The following GNB5 variants were observed in gnomAD, a reference collection of about 807,000 sequenced individuals.
GNB5 encodes the protein guanine nucleotide-binding protein subunit beta-5.
Under a neutral mutation model 55.3 loss-of-function variants are expected in GNB5, and 37 were observed. The observed-to-expected ratio is 0.67, with a 90% CI of 0.51 to 0.88. GNB5 has a LOEUF of 0.88. GNB5 is among the 40% of genes least tolerant of loss of function. The probability of loss-of-function intolerance (pLI) is 0.00; values close to 1 mark genes in which losing one functional copy is unlikely to be tolerated. For synonymous variants in GNB5, 219 were observed against 198.5 expected (o/e 1.10, Z -0.87); for missense variants, 476 against 515.3 (o/e 0.92, Z 0.74).
intron 3 of GNB5, among the ~76,000 whole-genome samples, chr15:52,179,553 G>T (rs1217664946): frequency 6.6e-6 from 1 of 151,664 alleles, no homozygotes; most frequent in Non-Finnish European, 1.5e-5. Context: ...CCAGGTGCCC[G>T]GACCCTCCGA....
chr15:52,137,690 G>A lies in GNB5; in HGVS notation c.628-1934C>T, dbSNP rs2033756924. 5 of 1,185,888 alleles carry A rather than the reference G, an allele frequency of 4.2e-6. No homozygotes were observed. The South Asian group carries it at 4.7e-5, about 11-fold the overall frequency. 73.5% of individuals were successfully genotyped at this position (1,185,888 alleles called of 1,614,324 possible). A position where few individuals can be genotyped will look rare whatever the true frequency, so the allele number is the denominator to read the frequency against. On this transcript the variant is annotated intron_variant, in intron 7 of 12. Transcript: ENST00000261837. ...TGTGTATGAGGCCTGGGCTCTGGCT[G>A]AGCATACCTTCCTGGGATTGGGAGA...
intron 3 of GNB5, among the ~76,000 whole-genome samples, chr15:52,174,964 T>C (rs1398684110): frequency 1.3e-5 from 2 of 152,032 alleles, no homozygotes; most frequent in Non-Finnish European, 2.9e-5. Context: ...TGCCTGCTAC[T>C]AGTGGGGCCG....
At chr15:52,145,519 C>A (rs2033954676) in intron 6 of GNB5, among the ~76,000 whole-genome samples, 1 of 151,970 alleles carries the variant, frequency 6.6e-6, no homozygotes, top group African/African-American at 2.4e-5. Context: ...GTGGTGCACG[C>A]CTGTAGTCCC....
At chr15:52,163,854 G>A (rs1174368235) in intron 3 of GNB5, among the ~76,000 whole-genome samples, 1 of 152,190 alleles carries the variant, frequency 6.6e-6, no homozygotes, top group Non-Finnish European at 1.5e-5. Context: ...TGCCCCTCTG[G>A]GATGGAGTCT....
At chr15:52,128,784 A>C in intron 9 of GNB5, 1 of 454,600 alleles carries the variant, frequency 2.2e-6, no homozygotes, top group Non-Finnish European at 4.4e-6. Flanking sequence ...TGCCAATTAA[A>C]TCACATTCAA....
intron 12 of GNB5, 79 bp downstream of exon 12, chr15:52,124,394 C>A: frequency 8.4e-7 from 1 of 1,189,112 alleles, no homozygotes; most frequent in Non-Finnish European, 1.2e-6. Context: ...ACTCTGATAG[C>A]CTTCCCTCTG....
chr15:52,124,005 CAAAAAAAAAA>C (rs56008657), intron 12 of GNB5, among the ~76,000 whole-genome samples: 3 of 84,406 alleles, frequency 3.6e-5, no homozygotes, highest in South Asian at 4.4e-4. Context: ...ATAGAAAAAC[CAAAAAAAAAA>C]AAAAAAAAAA....
rs1164750213 is a variant in GNB5 at position 52,132,143 on chromosome 15, C to A, written c.863+1235G>T. ...CAGTGTCATTTGGCCCTTTTCATGT[C>A]TCCCTGTGGAACTAGGGCTCAAGTA... On this transcript the variant is annotated intron_variant, in intron 9 of 12. Transcript: ENST00000261837. Among the ~76,000 whole-genome samples, 3 of 137,620 alleles carry A rather than the reference C, an allele frequency of 2.2e-5. No individual in the cohort carries two copies. The Admixed American group carries it at 2.2e-4, about 10-fold the overall frequency. 90.3% of individuals were successfully genotyped at this position (137,620 alleles called of 152,430 possible).
intron 3 of GNB5, among the ~76,000 whole-genome samples, chr15:52,159,219 C>A (rs964459617): frequency 6.6e-6 from 1 of 152,066 alleles, no homozygotes; most frequent in African/African-American, 2.4e-5. Context: ...TTTATCCCAC[C>A]GTGACAGCAG....
chr15:52,131,729 G>GTT (rs1432219988), intron 9 of GNB5, among the ~76,000 whole-genome samples: 1 of 152,138 alleles, frequency 6.6e-6, no homozygotes, highest in Non-Finnish European at 1.5e-5. Context: ...AAGTAAGCAA[G>GTT]TATTCTTTTT....
chr15:52,151,171 G>A (rs565346726), intron 4 of GNB5, among the ~76,000 whole-genome samples: 55 of 152,268 alleles, frequency 3.6e-4, no homozygotes, highest in South Asian at 2.7e-3. Flanking sequence ...TGTGTGGGGT[G>A]GATTCAGTAA....
Position 52,184,651 on chromosome 15 carries a change from T to C in GNB5, c.26A>G (p.Asn9Ser), listed in dbSNP as rs759878040. 6.2e-7 allele frequency: 1 copy of C among 1,613,728 alleles called. No individual in the cohort carries two copies. Among genetic ancestry groups the C allele is most frequent in the Non-Finnish European group, 8.5e-7 (1 of 1,179,704 alleles). The part of the protein sequence containing the change: MCDQTFLV[N>S]VFGSCDKCFK... ...ACATTTGTCACATGAGCCAAATACA[T>C]TAACGAGAAAGGTCTGATCACACAT... The change falls in exon 2 of 13, where the codon AAT (asparagine) becomes AGT (serine). Residue 9 changes from asparagine (N) to serine (S), a missense_variant. Physicochemically the swap from Asn to Ser is conservative, Grantham distance 46. Transcript: ENST00000261837.
At chr15:52,144,698 CG>C (rs1309055405) in intron 6 of GNB5, among the ~76,000 whole-genome samples, 2 of 152,052 alleles carry the variant, frequency 1.3e-5, no homozygotes, top group African/African-American at 4.8e-5. Flanking sequence ...GGTATCTGCC[CG>C]AACTTCTAGA....
In GNB5 at chr15:52,176,759, C is replaced by T. The variant is rs79836327; in HGVS notation, c.238+3009G>A. 6.9e-3 allele frequency among the ~76,000 whole-genome samples: 1,052 copies of T among 152,326 alleles called. 11 individuals carry two copies. Among genetic ancestry groups the T allele is most frequent in the African/African-American group, 0.025 (1,020 of 41,562 alleles). On this transcript the variant is annotated intron_variant, in intron 3 of 12. Coordinates refer to ENST00000261837, the MANE Select transcript of GNB5 (RefSeq NM_016194.4). ...TTTCCCTCCCTCAAGCTGTCTTGTT[C>T]TGCCACAAAACATGGCAGGCAGAGT...
Position 52,118,945 on chromosome 15 carries a change from TCTAA to T in GNB5, c.*3808_*3811del, listed in dbSNP as rs1174552190. The T allele has an allele frequency of 6.9e-6, 1 of 145,264 alleles. No individual in the cohort carries two copies. The highest frequency in any genetic ancestry group is 6.9e-5 in the Admixed American group (1 of 14,424). 9.0% of individuals were successfully genotyped at this position (145,264 alleles called of 1,614,324 possible). A position where few individuals can be genotyped will look rare whatever the true frequency, so the allele number is the denominator to read the frequency against. On this transcript the variant is annotated 3_prime_UTR_variant, in exon 13 of 13. Transcript: ENST00000261837. ...TGAGAACCACTAGCCCAGACGAAGC[TCTAA>T]CTGATGAGAATTACTAATTTGCTAT...
chr15:52,138,747 T>C (rs1323151050), intron 7 of GNB5: 2 of 152,184 alleles, frequency 1.3e-5, no homozygotes, highest in Non-Finnish European at 2.9e-5. Context: ...TCCAAACAAT[T>C]TTCTTTAAGC....
chr15:52,120,070 T>C lies in GNB5; in HGVS notation c.*2687A>G, dbSNP rs1482959794. The C allele has an allele frequency of 6.6e-6, 1 of 152,142 alleles. No homozygotes were observed. Among genetic ancestry groups the C allele is most frequent in the Admixed American group, 6.5e-5 (1 of 15,274 alleles). 9.4% of individuals were successfully genotyped at this position (152,142 alleles called of 1,614,324 possible). On this transcript the variant is annotated 3_prime_UTR_variant, in exon 13 of 13. Transcript: ENST00000261837. ...TGGACTTGGCTTCATGTCACAGATA[T>C]TTCCCATAAATACCCATCACCCACA...
rs577905838 is a variant in GNB5, at chr15:52,186,692, G to T, written c.-18-1998C>A. Among the ~76,000 whole-genome samples the T allele has an allele frequency of 1.6e-3, 251 of 152,282 alleles. 2 individuals carry two copies. Among genetic ancestry groups the T allele is most frequent in the African/African-American group, 5.6e-3 (233 of 41,542 alleles). On this transcript the variant is annotated intron_variant, in intron 1 of 12. Coordinates refer to ENST00000261837, the MANE Select transcript of GNB5 (RefSeq NM_016194.4). ...CCCCTGAACATAAAGATAATTGGGG[G>T]CGCTGGTCTGAACATTTCAACAGAG...
At chr15:52,132,165 A>C (rs1033114386) in intron 9 of GNB5, among the ~76,000 whole-genome samples, 1 of 100,612 alleles carries the variant, frequency 9.9e-6, no homozygotes, top group African/African-American at 7.5e-5. Context: ...CTAGGGCTCA[A>C]GTATGCACAA....
Sources: allele counts gnomAD v4.1 joint callset (sites outside exome capture counted in the v4.1 genomes callset), GRCh38; gene constraint gnomAD v4.1.1; transcripts MANE v1.5; gene names NCBI Gene and HGNC (gene_info 2026-07-23, HGNC 2026-07-21).